The following SORBS2 variants were observed in gnomAD, a reference collection of about 807,000 sequenced individuals.
SORBS2 encodes sorbin and SH3 domain-containing protein 2.
SORBS2 carries 46 observed loss-of-function variants against 97.7 expected under a neutral mutation model. The ratio of observed to expected loss-of-function variants is 0.47; its 90% confidence interval spans 0.37 to 0.60. The LOEUF is 0.60. Ranked by LOEUF, SORBS2 falls within the 20% of genes least tolerant of loss-of-function variation. SORBS2 has a pLI of 0.00. For synonymous variants in SORBS2, 476 were observed against 473.4 expected (o/e 1.01, Z -0.07); for missense variants, 1,316 against 1,282.3 (o/e 1.03, Z -0.40).
chr4:185,812,663 A>G (rs1179587794), intron 1 of SORBS2, among the ~76,000 whole-genome samples: 1 of 141,630 alleles, frequency 7.1e-6, no homozygotes. Flanking sequence ...TGATAATCTT[A>G]GAGCCACTTA....
At chr4:185,592,655 AAGTGAT>A (rs2095979241) in intron 13 of SORBS2, 1 of 153,366 alleles carries the variant, frequency 6.5e-6, no homozygotes, top group East Asian at 1.9e-4. Flanking sequence ...TCCCTGGCCC[AAGTGAT>A]CTTCCCACCT....
intron 2 of SORBS2, among the ~76,000 whole-genome samples, chr4:185,748,849 C>A (rs1257616497): frequency 6.6e-6 from 1 of 152,136 alleles, no homozygotes; most frequent in African/African-American, 2.4e-5. Flanking sequence ...TTTCTGGAGC[C>A]TCATTTATTG....
intron 1 of SORBS2, among the ~76,000 whole-genome samples, chr4:185,826,702 C>T (rs768096971): frequency 7.9e-5 from 12 of 152,130 alleles, no homozygotes; most frequent in Non-Finnish European, 1.6e-4. Flanking sequence ...CTAATTTATT[C>T]AACAAATGTT....
chr4:185,877,883 A>AAAAAAG (rs1344109012), intron 1 of SORBS2, among the ~76,000 whole-genome samples: 4,791 of 144,300 alleles, frequency 0.033, 152 homozygotes, highest in African/African-American at 0.052. Flanking sequence ...ACAAAAAAAA[A>AAAAAAG]AAAGAAAGAA....
intron 11 of SORBS2, among the ~76,000 whole-genome samples, chr4:185,613,769 C>T (rs187853744): frequency 1.1e-3 from 173 of 152,012 alleles, no homozygotes; most frequent in African/African-American, 3.8e-3. Flanking sequence ...ATTGGTGAAG[C>T]CTTTCTGTAG....
At chr4:185,907,138 C>CAAAA (rs1401461983) in intron 1 of SORBS2, among the ~76,000 whole-genome samples, 1 of 68,620 alleles carries the variant, frequency 1.5e-5, no homozygotes, top group Non-Finnish European at 3.4e-5. Context: ...TCCATCATAA[C>CAAAA]AAAAAAAAAA....
At chr4:185,669,314 C>A (rs1257327168) in intron 4 of SORBS2, among the ~76,000 whole-genome samples, 1 of 152,188 alleles carries the variant, frequency 6.6e-6, no homozygotes, top group Non-Finnish European at 1.5e-5. Flanking sequence ...GTCATGTTCC[C>A]CCTCAAGGCG....
chr4:185,635,435 G>A (rs917298785), intron 4 of SORBS2, 24 bp from the exon 16 acceptor site: 1 of 1,591,982 alleles, frequency 6.3e-7, no homozygotes, highest in Non-Finnish European at 8.6e-7. Context: ...CACCACAGAA[G>A]CAGAAGTGTA....
Position 185,623,074 on chromosome 4 carries a change from G to A in SORBS2, c.2055C>T (p.Ser685=), listed in dbSNP as rs777918989. ...GTGGGTGGAGAGGCTGGTGCAGGGG[G>A]CTCCTCCTCAGCGCTCTCAGGGATG... Residue 685 remains serine (S), a synonymous_variant, in exon 7 of 15, where the codon AGC becomes AGT. Coordinates refer to ENST00000418609, the Ensembl canonical transcript of SORBS2. The surrounding 1 kb of genome is among the most constrained non-coding windows in gnomAD (Gnocchi z 6.4). 5.0e-6 allele frequency: 8 copies of A among 1,614,014 alleles called. No individual in the cohort carries two copies. The highest frequency in any genetic ancestry group is 1.7e-5 in the Admixed American group (1 of 59,990).
At chr4:185,805,377 G>A (rs2099148870) in intron 1 of SORBS2, among the ~76,000 whole-genome samples, 2 of 152,028 alleles carry the variant, frequency 1.3e-5, no homozygotes, top group African/African-American at 2.4e-5. Flanking sequence ...ATCATGTGTT[G>A]GCATTAGCAC....
chr4:185,623,357 C>A lies in SORBS2; in HGVS notation c.1772G>T (p.Arg591Met). The change falls in exon 7 of 15, where the codon AGG (arginine) becomes ATG (methionine). Residue 591 changes from arginine to methionine, a missense_variant. By Grantham distance (91) the Arg-to-Met change is moderately conservative. Coordinates refer to ENST00000418609, the Ensembl canonical transcript of SORBS2. This position sits in a 1 kb window ranked among gnomAD's most constrained non-coding sequence, Gnocchi z 6.4. ...AGAAAGGCCAGGGTCCATTTCTTGC[C>A]TTCTGGGCTCCTCGGTGTTTTCGTG... The A allele has an allele frequency of 6.2e-7, 1 of 1,613,740 alleles. No homozygotes were observed. The highest frequency in any genetic ancestry group is 1.3e-5 in the African/African-American group (1 of 75,014).
chr4:185,744,465 G>A (rs993239054), intron 2 of SORBS2, among the ~76,000 whole-genome samples: 9 of 152,150 alleles, frequency 5.9e-5, no homozygotes, highest in Non-Finnish European at 1.2e-4. Flanking sequence ...TCTGCATCAC[G>A]AAACGAGATC....
chr4:185,600,437 C>G (rs1264385154), intron 12 of SORBS2, among the ~76,000 whole-genome samples: 1 of 152,172 alleles, frequency 6.6e-6, no homozygotes, highest in Admixed American at 6.5e-5. Flanking sequence ...CTCCCGGGTT[C>G]GAGCGATTCT....
intron 3 of SORBS2, among the ~76,000 whole-genome samples, chr4:185,649,060 C>T (rs2097264916): frequency 6.6e-6 from 1 of 152,138 alleles, no homozygotes; most frequent in African/African-American, 2.4e-5. Context: ...TAACTAATGC[C>T]TCATTATGAT....
chr4:185,955,304 G>A lies in SORBS2; in HGVS notation c.-338+892C>T, dbSNP rs1395015518. Among the ~76,000 whole-genome samples the A allele has an allele frequency of 2.0e-5, 3 of 152,056 alleles. 1 individual carries two copies. Among genetic ancestry groups the A allele is most frequent in the Non-Finnish European group, 2.9e-5 (2 of 68,018 alleles). On this transcript the variant is annotated intron_variant, in intron 1 of 20. Coordinates refer to the SORBS2 transcript ENST00000284776. ...CACAGAGGATAATGAACAACTTCCC[G>A]GGAAATATTTCCATATGACTAACAA... is the stretch of plus-strand genomic sequence containing the variant.
At chr4:185,929,610 A>G (rs993915565) in intron 1 of SORBS2, among the ~76,000 whole-genome samples, 1 of 148,724 alleles carries the variant, frequency 6.7e-6, no homozygotes, top group Admixed American at 6.8e-5. Context: ...TCACTGACTC[A>G]CTGGAACCTC....
chr4:185,607,843 T>C lies in SORBS2; in HGVS notation c.2796+3937A>G, dbSNP rs1055927849. ...CCGAGTAGCTGGGACTACAGGCGCA[T>C]GTCACCAGTACAGCTAATTTTTATA... On this transcript the variant is annotated intron_variant, in intron 12 of 14. Coordinates refer to ENST00000418609, the Ensembl canonical transcript of SORBS2. The surrounding 1 kb of genome is among the most constrained non-coding windows in gnomAD (Gnocchi z 5.2). Among the ~76,000 whole-genome samples, 1 of 152,028 alleles carries C rather than the reference T, an allele frequency of 6.6e-6. No individual in the cohort carries two copies. The highest frequency in any genetic ancestry group is 2.4e-5 in the African/African-American group (1 of 41,400).
rs908852878 is a variant in SORBS2 at position 185,742,531 on chromosome 4, C to T, written c.-198+32696G>A. Among the ~76,000 whole-genome samples the T allele has an allele frequency of 6.6e-5, 10 of 152,306 alleles. No homozygotes were observed. In the South Asian group the frequency reaches 8.3e-4, roughly 13 times the overall value. ...AGCACAGATTAAGAGGCCACAGCCT[C>T]GTGGATTTTCCATTCCAGGGCATTT... On this transcript the variant is annotated intron_variant, in intron 2 of 20. Coordinates refer to the SORBS2 transcript ENST00000284776.
At chr4:185,953,663 T>G (rs2099278283) in intron 1 of SORBS2, among the ~76,000 whole-genome samples, 1 of 152,244 alleles carries the variant, frequency 6.6e-6, no homozygotes, top group South Asian at 2.1e-4. Context: ...ATAAGGGCCT[T>G]TCTGTTGCTG....
Sources: allele counts gnomAD v4.1 joint callset (sites outside exome capture counted in the v4.1 genomes callset), GRCh38; gene constraint gnomAD v4.1.1; non-coding constraint Gnocchi (gnomAD v3.1); transcripts MANE v1.5; gene names NCBI Gene and HGNC (gene_info 2026-07-23, HGNC 2026-07-21).